PTPN9: variants seen among roughly 807,000 people sequenced by gnomAD.
PTPN9 encodes protein tyrosine phosphatase non-receptor type 9, also known as tyrosine-protein phosphatase non-receptor type 9.
In PTPN9, 26 loss-of-function variants were observed where a neutral mutation model predicts 69.8. That is an observed-to-expected ratio of 0.37 (90% CI 0.27 to 0.52). The LOEUF (loss-of-function observed/expected upper bound fraction) is 0.52, where lower values mean the gene tolerates loss of function less well. PTPN9 is among the 20% of genes least tolerant of loss of function. PTPN9 has a pLI of 0.91. For missense variants in PTPN9, 549 were observed against 740.3 expected, an observed-to-expected ratio of 0.74 and a Z score of 3.00; for synonymous variants, 274 against 272.5, an observed-to-expected ratio of 1.01 and a Z score of -0.05.
At chr15:75,513,636 G>A (rs1009269861) in intron 5 of PTPN9, among the ~76,000 whole-genome samples, 1 of 151,990 alleles carries the variant, frequency 6.6e-6, no homozygotes, top group Non-Finnish European at 1.5e-5. Flanking sequence ...GTGTGGTGAT[G>A]AGCACCTGTA....
chr15:75,484,193 T>A (rs1168086342), intron 8 of PTPN9, among the ~76,000 whole-genome samples: 1 of 152,178 alleles, frequency 6.6e-6, no homozygotes, highest in East Asian at 1.9e-4. Flanking sequence ...ATTGTGGCAG[T>A]CTGCCAGAGT....
At chr15:75,537,624 G>A (rs935075238) in intron 1 of PTPN9, among the ~76,000 whole-genome samples, 8 of 148,824 alleles carry the variant, frequency 5.4e-5, no homozygotes, top group African/African-American at 1.7e-4. Flanking sequence ...GCGTGGTGGT[G>A]CGCACCTGTA....
At chr15:75,504,443 C>A (rs1434721092) in intron 7 of PTPN9, among the ~76,000 whole-genome samples, 21 of 130,296 alleles carry the variant, frequency 1.6e-4, no homozygotes, top group Middle Eastern at 5.1e-3. Flanking sequence ...GGGGATCAGC[C>A]CCCCGCCCGG....
intron 1 of PTPN9, among the ~76,000 whole-genome samples, chr15:75,552,336 G>A (rs1462882254): frequency 6.6e-6 from 1 of 152,116 alleles, no homozygotes. Context: ...GAACCCAGGA[G>A]GCGGAGGTTG....
At chr15:75,494,593 T>G (rs1005663717) in intron 7 of PTPN9, among the ~76,000 whole-genome samples, 46 of 151,968 alleles carry the variant, frequency 3.0e-4, no homozygotes, top group African/African-American at 1.1e-3. Flanking sequence ...CCTCAGGTGA[T>G]CTGCCCTCCT....
chr15:75,486,053 T>G (rs2074674658), intron 8 of PTPN9, among the ~76,000 whole-genome samples: 1 of 136,754 alleles, frequency 7.3e-6, no homozygotes, highest in African/African-American at 2.9e-5. Flanking sequence ...TGAGCCGAGA[T>G]CGCACCACTG....
chr15:75,471,172 ATGCC>A (rs954105584), intron 10 of PTPN9, among the ~76,000 whole-genome samples: 1 of 152,212 alleles, frequency 6.6e-6, no homozygotes, highest in Non-Finnish European at 1.5e-5. Context: ...ATAGTGGTGC[ATGCC>A]TGTAATCCCA....
At chr15:75,529,146 C>T (rs1285394697) in intron 1 of PTPN9, among the ~76,000 whole-genome samples, 1 of 151,942 alleles carries the variant, frequency 6.6e-6, no homozygotes, top group Non-Finnish European at 1.5e-5. Context: ...ACCACCACGC[C>T]TGGCTAATTT....
At chr15:75,480,230 T>C (rs186991804) in intron 8 of PTPN9, among the ~76,000 whole-genome samples, 2 of 152,256 alleles carry the variant, frequency 1.3e-5, no homozygotes, top group East Asian at 3.9e-4. Flanking sequence ...CTTTGTGACC[T>C]TGGGTTAGGC....
At chr15:75,477,024 A>C (rs1426857667) in intron 9 of PTPN9, among the ~76,000 whole-genome samples, 1 of 152,186 alleles carries the variant, frequency 6.6e-6, no homozygotes, top group East Asian at 1.9e-4. Context: ...AGACCCTTTA[A>C]CAGTAAACTT....
intron 1 of PTPN9, among the ~76,000 whole-genome samples, chr15:75,542,696 T>G (rs971785233): frequency 1.3e-5 from 2 of 152,194 alleles, no homozygotes; most frequent in South Asian, 2.1e-4. Context: ...AGATCAGGAA[T>G]AGTTTGTCTC....
chr15:75,504,540 C>A (rs1280568031), intron 7 of PTPN9, among the ~76,000 whole-genome samples: 2 of 139,950 alleles, frequency 1.4e-5, no homozygotes, highest in Non-Finnish European at 3.1e-5. Context: ...GCCCAGCCAG[C>A]CGCCCCGTCC....
chr15:75,486,653 AAAC>A (rs1258775253), intron 8 of PTPN9, among the ~76,000 whole-genome samples: 1 of 152,228 alleles, frequency 6.6e-6, no homozygotes, highest in East Asian at 1.9e-4. Context: ...CAAATCAAGT[AAAC>A]AATTCACTAA....
chr15:75,565,177 C>T (rs1305297985), intron 1 of PTPN9, among the ~76,000 whole-genome samples: 1 of 150,860 alleles, frequency 6.6e-6, no homozygotes, highest in Non-Finnish European at 1.5e-5. Flanking sequence ...AAAATCCCTC[C>T]ACCTCTGAAA....
chr15:75,537,372 A>C (rs1336913010), intron 1 of PTPN9, among the ~76,000 whole-genome samples: 5 of 143,414 alleles, frequency 3.5e-5, no homozygotes, highest in Non-Finnish European at 6.0e-5. Context: ...AAAAAAAAAA[A>C]CTAGTGATTG....
chr15:75,559,810 C>T (rs1199098086), intron 1 of PTPN9, among the ~76,000 whole-genome samples: 2 of 148,688 alleles, frequency 1.3e-5, no homozygotes, highest in Admixed American at 6.7e-5. Flanking sequence ...TTTGGGGTGG[C>T]TGAAGAAAAG....
At chr15:75,509,963 G>A (rs899911551) in intron 5 of PTPN9, among the ~76,000 whole-genome samples, 3 of 152,080 alleles carry the variant, frequency 2.0e-5, no homozygotes, top group African/African-American at 7.2e-5. Context: ...CAGCCTGGGC[G>A]ACAAGAGCGA....
At chr15:75,510,835 A>G (rs2074842200) in intron 5 of PTPN9, among the ~76,000 whole-genome samples, 1 of 152,064 alleles carries the variant, frequency 6.6e-6, no homozygotes, top group Non-Finnish European at 1.5e-5. Context: ...CATCATCACA[A>G]ACAAAAACCC....
At chr15:75,480,719 A>G (rs2074626354) in intron 8 of PTPN9, 5 of 1,312,594 alleles carry the variant, frequency 3.8e-6, no homozygotes, top group African/African-American at 1.6e-5. Context: ...AGCCGGGAGG[A>G]TGGAGTTCAG....
Sources: gnomAD v4.1 joint callset for allele counts (sites outside exome capture counted in the v4.1 genomes callset) on GRCh38, gnomAD v4.1.1 for gene constraint, MANE v1.5 for transcripts, NCBI Gene and HGNC (gene_info 2026-07-23, HGNC 2026-07-21) for gene names.